PAQR8: variants seen among roughly 807,000 people sequenced by gnomAD.
The protein encoded by PAQR8 is membrane progestin receptor beta.
In PAQR8, 17 loss-of-function variants were observed where a neutral mutation model predicts 25.2. The ratio of observed to expected loss-of-function variants is 0.67; its 90% CI spans 0.46 to 1.01. PAQR8 has a LOEUF of 1.01. Ranked by LOEUF, PAQR8 falls within the 50% of genes least tolerant of loss-of-function variation. The probability of loss-of-function intolerance (pLI) is 0.00; values close to 1 mark genes in which losing one functional copy is unlikely to be tolerated. For synonymous variants in PAQR8, 204 were observed against 190.6 expected (o/e 1.07, Z -0.58); for missense variants, 392 against 448.4 (o/e 0.87, Z 1.14).
rs17591381 is a variant in PAQR8, at chr6:52,404,092, G to A, written c.879G>A (p.Thr293=). 245,588 of 1,614,076 alleles carry A rather than the reference G, an allele frequency of 0.15. 20,059 individuals carry two copies. The highest frequency in any genetic ancestry group is 0.17 in the South Asian group (15,334 of 91,076). Residue 293 remains threonine (T), a synonymous_variant, in exon 2 of 2, where the codon ACG becomes ACA. Transcript: ENST00000442253. ...QIFHAFLSIC[T]LSQLEAILLD... is the part of the protein sequence containing the mutation. ...TCCATGCATTTCTGTCCATCTGTACGCTCTCCCAGCTGGAGGCCATCCTCC... is the reference window on the plus strand; with the variant it reads ...TCCATGCATTTCTGTCCATCTGTACACTCTCCCAGCTGGAGGCCATCCTCC...
chr6:52,396,619 G>T (rs998149689), intron 1 of PAQR8, among the ~76,000 whole-genome samples: 5 of 152,294 alleles, frequency 3.3e-5, no homozygotes, highest in Admixed American at 2.6e-4. Flanking sequence ...TGAGTTAGGA[G>T]AGCCATTATT....
chr6:52,379,619 CTTTT>C (rs909812638), intron 1 of PAQR8, among the ~76,000 whole-genome samples: 5 of 77,240 alleles, frequency 6.5e-5, no homozygotes, highest in Admixed American at 1.3e-4. Flanking sequence ...ACCCAGCTTT[CTTTT>C]TTTTTTTTTT....
At chr6:52,371,586 TTTATAA>T (rs1457453454) in intron 1 of PAQR8, among the ~76,000 whole-genome samples, 1 of 152,174 alleles carries the variant, frequency 6.6e-6, no homozygotes, top group Non-Finnish European at 1.5e-5. Flanking sequence ...TATTAAACTC[TTTATAA>T]TTATGTGGCT....
chr6:52,403,485 T>G lies in PAQR8; in HGVS notation c.272T>G (p.Leu91Trp). 1 of 1,614,152 alleles carries G rather than the reference T, an allele frequency of 6.2e-7. No individual in the cohort carries two copies. The highest frequency in any genetic ancestry group is 8.5e-7 in the Non-Finnish European group (1 of 1,180,036). The change falls in exon 2 of 2, where the codon TTG (leucine) becomes TGG (tryptophan). Residue 91 changes from leucine to tryptophan, a missense_variant. Leu to Trp is a moderately conservative substitution (Grantham distance 61, BLOSUM62 -2). Coordinates refer to ENST00000442253, the MANE Select transcript of PAQR8 (RefSeq NM_133367.5). ...TTACTGGCAGCCCTGGCCGTCCTCT[T>G]GCGATTCTGGGCCTTTGCCGAGGCT... ...THLLAALAVL[L>W]RFWAFAEAEA... is the part of the protein sequence containing the mutation.
intron 1 of PAQR8, among the ~76,000 whole-genome samples, chr6:52,398,453 C>T (rs1763793776): frequency 6.6e-6 from 1 of 152,086 alleles, no homozygotes; most frequent in Non-Finnish European, 1.5e-5. Flanking sequence ...GGTGATCTGC[C>T]CACCTCAGCC....
chr6:52,393,718 A>C (rs988774370), intron 1 of PAQR8, among the ~76,000 whole-genome samples: 9 of 152,326 alleles, frequency 5.9e-5, no homozygotes, highest in South Asian at 4.1e-4. Flanking sequence ...CTAATGATAA[A>C]AATATTCTCA....
chr6:52,391,950 G>C (rs1275930125), intron 1 of PAQR8, among the ~76,000 whole-genome samples: 1 of 152,208 alleles, frequency 6.6e-6, no homozygotes, highest in Non-Finnish European at 1.5e-5. Flanking sequence ...CATGCTGCTT[G>C]ATGTTCAGTA....
intron 1 of PAQR8, among the ~76,000 whole-genome samples, chr6:52,390,807 G>A (rs1000272617): frequency 6.6e-5 from 10 of 152,152 alleles, no homozygotes; most frequent in Non-Finnish European, 1.2e-4. Context: ...AACTAGTTGA[G>A]CTCACAGAAA....
chr6:52,365,321 A>AT (rs112378494), intron 1 of PAQR8, among the ~76,000 whole-genome samples: 19,729 of 149,102 alleles, frequency 0.13, 1,572 homozygotes, highest in Non-Finnish European at 0.18. Flanking sequence ...TAAAATTCGC[A>AT]TTTTTTTTTT....
At chr6:52,370,972 A>G (rs929472651) in intron 1 of PAQR8, among the ~76,000 whole-genome samples, 2 of 152,202 alleles carry the variant, frequency 1.3e-5, no homozygotes, top group East Asian at 3.8e-4. Context: ...ATATTTTTCA[A>G]GGGTCTACTT....
chr6:52,374,491 G>C (rs1316047007), intron 1 of PAQR8, among the ~76,000 whole-genome samples: 3 of 152,078 alleles, frequency 2.0e-5, no homozygotes, highest in Admixed American at 2.0e-4. Flanking sequence ...ATAGCTCACT[G>C]TGACCTTGAG....
intron 1 of PAQR8, among the ~76,000 whole-genome samples, chr6:52,402,958 T>C (rs1191575476): frequency 6.6e-6 from 1 of 152,054 alleles, no homozygotes; most frequent in African/African-American, 2.4e-5. Context: ...TTGGCGTGCA[T>C]CTATGGTCCT....
chr6:52,366,983 A>G (rs887237204), intron 1 of PAQR8, among the ~76,000 whole-genome samples: 45 of 152,172 alleles, frequency 3.0e-4, no homozygotes, highest in African/African-American at 9.6e-4. Context: ...TGACCTCGTG[A>G]TCTGCCCATC....
chr6:52,373,190 C>T (rs1018524522), intron 1 of PAQR8, among the ~76,000 whole-genome samples: 14 of 152,164 alleles, frequency 9.2e-5, no homozygotes, highest in Non-Finnish European at 1.3e-4. Flanking sequence ...TTTAGGTACA[C>T]AGGGACAGAA....
At chr6:52,381,242 G>A (rs1222432113) in intron 1 of PAQR8, among the ~76,000 whole-genome samples, 1 of 152,210 alleles carries the variant, frequency 6.6e-6, no homozygotes, top group Admixed American at 6.5e-5. Context: ...GGAACTAGGT[G>A]GGGGAAGAGG....
At chr6:52,384,673 T>G (rs1157956274) in intron 1 of PAQR8, among the ~76,000 whole-genome samples, 1 of 152,172 alleles carries the variant, frequency 6.6e-6, no homozygotes, top group East Asian at 1.9e-4. Context: ...TATTCTGAAA[T>G]TCATATGGAA....
chr6:52,379,374 C>T (rs987286390), intron 1 of PAQR8, among the ~76,000 whole-genome samples: 3 of 152,096 alleles, frequency 2.0e-5, no homozygotes, highest in African/African-American at 7.2e-5. Flanking sequence ...ATCGGTTGCA[C>T]AACACTGTGA....
At chr6:52,403,111 C>A in intron 1 of PAQR8, 51 bp from the exon 2 acceptor site, 2 of 928,380 alleles carry the variant, frequency 2.2e-6, no homozygotes, top group Non-Finnish European at 3.2e-6. Flanking sequence ...TCCGTCTTAG[C>A]TGCATTCGTG....
intron 1 of PAQR8, among the ~76,000 whole-genome samples, chr6:52,400,207 T>C (rs1763814242): frequency 6.6e-6 from 1 of 152,174 alleles, no homozygotes; most frequent in Non-Finnish European, 1.5e-5. Context: ...GGGTGCTGGC[T>C]AAATGAATGC....
Sources: allele counts gnomAD v4.1 joint callset (sites outside exome capture counted in the v4.1 genomes callset), GRCh38; gene constraint gnomAD v4.1.1; transcripts MANE v1.5; gene names NCBI Gene and HGNC (gene_info 2026-07-23, HGNC 2026-07-21).